The following ARHGAP21 variants were observed in gnomAD, a reference collection of about 807,000 sequenced individuals.
ARHGAP21 encodes the protein rho GTPase-activating protein 21.
In ARHGAP21, 38 loss-of-function variants were observed where a neutral mutation model predicts 164.6. The observed-to-expected ratio is 0.23, with a 90% CI of 0.18 to 0.30. The LOEUF is 0.30. Ranked by LOEUF, ARHGAP21 falls within the 10% of genes least tolerant of loss-of-function variation. The pLI is 1.00. For missense variants in ARHGAP21, 1,822 were observed against 2,370.7 expected (o/e 0.77, Z 4.81); for synonymous variants, 766 against 857.9 (o/e 0.89, Z 1.87).
intron 2 of ARHGAP21, among the ~76,000 whole-genome samples, chr10:24,716,279 G>A (rs1845364449): frequency 6.6e-6 from 1 of 152,230 alleles, no homozygotes; most frequent in African/African-American, 2.4e-5. Flanking sequence ...CTAAGTGATA[G>A]GGAGATAAAG....
In ARHGAP21 at chr10:24,585,139, C is replaced by T; in HGVS notation, c.5150G>A (p.Ser1717Asn). ...TTTCTCATTCTTGGCATCTCCTAGA[C>T]TTCCACTATCTGACTTGAATCTAGC... is the stretch of plus-strand genomic sequence containing the variant. ...KSARFKSDSG[S>N]LGDAKNEKEA... Residue 1717 changes from serine (S) to asparagine (N), a missense_variant, in exon 26 of 26, where the codon AGT becomes AAT. This residue lies in a region of ARHGAP21 where 117 missense variants were observed against 193.2 expected (regional missense o/e 0.61). Transcript: ENST00000396432. The T allele has an allele frequency of 6.2e-7, 1 of 1,612,720 alleles. No individual in the cohort carries two copies. The highest frequency in any genetic ancestry group is 8.5e-7 in the Non-Finnish European group (1 of 1,179,700).
intron 23 of ARHGAP21, 132 bp from the exon 24 acceptor site, chr10:24,591,462 TAATTAACTGCAA>T (rs1373658693): frequency 1.8e-6 from 2 of 1,095,104 alleles, no homozygotes; most frequent in Non-Finnish European, 2.7e-6. Context: ...TGTTTACGCA[TAATTAACTGCAA>T]AATAAGCACC....
At chr10:24,688,739 G>A (rs960224733) in intron 2 of ARHGAP21, among the ~76,000 whole-genome samples, 1 of 152,148 alleles carries the variant, frequency 6.6e-6, no homozygotes, top group East Asian at 1.9e-4. Flanking sequence ...ATTTCCAGGA[G>A]AGCAAGGGCA....
chr10:24,642,388 G>A (rs1206874312), intron 4 of ARHGAP21, among the ~76,000 whole-genome samples: 3 of 151,530 alleles, frequency 2.0e-5, no homozygotes, highest in South Asian at 2.1e-4. Flanking sequence ...GGTAGCGGGC[G>A]CCTGTAGTCC....
chr10:24,639,523 G>T (rs1836769655), intron 4 of ARHGAP21, among the ~76,000 whole-genome samples: 1 of 152,150 alleles, frequency 6.6e-6, no homozygotes, highest in African/African-American at 2.4e-5. Flanking sequence ...GATCAGAGAT[G>T]ATCTTGGGTA....
intron 21 of ARHGAP21, among the ~76,000 whole-genome samples, chr10:24,592,641 C>A (rs1352862051): frequency 6.6e-6 from 1 of 151,770 alleles, no homozygotes; most frequent in East Asian, 1.9e-4. Context: ...ATTAGTCAGG[C>A]ACGATGGTGT....
At chr10:24,628,968 A>T (rs1593088495) in intron 7 of ARHGAP21, 1 of 13,408 alleles carries the variant, frequency 7.5e-5, no homozygotes, top group African/African-American at 5.0e-4. Context: ...ATATATATAT[A>T]TATATATATA....
chr10:24,597,345 A>G (rs552650058), intron 16 of ARHGAP21, 102 bp downstream of exon 16: 4 of 1,424,798 alleles, frequency 2.8e-6, no homozygotes, highest in East Asian at 4.7e-5. Context: ...GCTAGTTGAC[A>G]TGGGGCCTGG....
intron 4 of ARHGAP21, among the ~76,000 whole-genome samples, chr10:24,651,191 T>A (rs60041138): frequency 0.035 from 5,298 of 152,220 alleles, 318 homozygotes; most frequent in African/African-American, 0.12. Flanking sequence ...TTTGGATCCA[T>A]CACCATGTTC....
Position 24,584,539 on chromosome 10 carries a change from G to A in ARHGAP21, c.5750C>T (p.Ser1917Leu). 1 of 1,613,958 alleles carries A rather than the reference G, an allele frequency of 6.2e-7. No homozygotes were observed. Among genetic ancestry groups the A allele is most frequent in the Non-Finnish European group, 8.5e-7 (1 of 1,179,872 alleles). The change falls in exon 26 of 26, where the codon TCA becomes TTA. Residue 1917 changes from serine to leucine, a missense_variant. This residue lies in a region of ARHGAP21 where 165 missense variants were observed against 176.6 expected (regional missense o/e 0.93). Transcript: ENST00000396432. ...GCTTTCTCCGTTTATTTGGTCAGGT[G>A]ACTGTGGTGGTATGGAAAGAAGGGG... Reference protein sequence around the residue: ...NRPLLSIPPQSPDQINGESFQ... With the variant: ...NRPLLSIPPQLPDQINGESFQ...
At chr10:24,607,192 C>T (rs923578283) in intron 11 of ARHGAP21, among the ~76,000 whole-genome samples, 1 of 152,032 alleles carries the variant, frequency 6.6e-6, no homozygotes, top group Non-Finnish European at 1.5e-5. Flanking sequence ...AGGTAGTGTA[C>T]ATATGATTTT....
chr10:24,604,761 C>T (rs555835866), intron 11 of ARHGAP21, among the ~76,000 whole-genome samples: 3 of 152,186 alleles, frequency 2.0e-5, no homozygotes, highest in Admixed American at 2.0e-4. Flanking sequence ...CTGTCATCTC[C>T]ACTCATCCTG....
intron 2 of ARHGAP21, among the ~76,000 whole-genome samples, chr10:24,677,484 C>T (rs1841368156): frequency 6.6e-6 from 1 of 152,142 alleles, no homozygotes; most frequent in Non-Finnish European, 1.5e-5. Context: ...CTATTCTTAG[C>T]TATTTGTGTG....
chr10:24,590,170 A>C, intron 24 of ARHGAP21: 1 of 1,403,290 alleles, frequency 7.1e-7, no homozygotes, highest in Non-Finnish European at 9.2e-7. Flanking sequence ...ACACATGGCT[A>C]AATGCTTTAT....
chr10:24,589,332 T>C, intron 24 of ARHGAP21, 30 bp from the exon 25 acceptor site: 1 of 1,591,312 alleles, frequency 6.3e-7, no homozygotes, highest in Non-Finnish European at 8.6e-7. Context: ...ACATGGTCAG[T>C]ATTAGCCAAT....
rs1292890650 is a variant in ARHGAP21 at position 24,591,310 on chromosome 10, G to A, written c.4065C>T (p.Ser1355=). 2 of 1,613,034 alleles carry A rather than the reference G, an allele frequency of 1.2e-6. No individual in the cohort carries two copies. The highest frequency in any genetic ancestry group is 2.7e-5 in the African/African-American group (2 of 74,910). ...EEPLTTVQEE[S]TVDSQPVPNI... ...TTGGCACTGGCTGGGAGTCTACTGT[G>A]CTTTCCTCCTGCACTGTTGTCTATG... Residue 1355 remains serine (S), a synonymous_variant, in exon 24 of 26, where the codon AGC becomes AGT. Coordinates refer to ENST00000396432, the MANE Select transcript of ARHGAP21 (RefSeq NM_020824.4).
intron 11 of ARHGAP21, among the ~76,000 whole-genome samples, chr10:24,606,585 CAATA>C (rs2130976298): frequency 6.6e-6 from 1 of 152,212 alleles, no homozygotes; most frequent in South Asian, 2.1e-4. Context: ...CAGCAATTAA[CAATA>C]GATATTAAAA....
chr10:24,630,020 T>C lies in ARHGAP21; in HGVS notation c.471A>G (p.Pro157=). 2 of 1,572,632 alleles carry C rather than the reference T, an allele frequency of 1.3e-6. No homozygotes were observed. Among genetic ancestry groups the C allele is most frequent in the Non-Finnish European group, 1.7e-6 (2 of 1,155,464 alleles). The change falls in exon 7 of 26, where the codon CCA becomes CCG. Residue 157 remains proline (P), a synonymous_variant. Coordinates refer to ENST00000396432, the MANE Select transcript of ARHGAP21 (RefSeq NM_020824.4). ...CCACTTGGAGAATGTCTTCATCTTT[T>C]GGCATAACACTAAGTTCCAATGTTG... is the stretch of plus-strand genomic sequence containing the variant. ...SDTTLELSVM[P]KDEDILQVLQ...
intron 19 of ARHGAP21, 100 bp downstream of exon 19, chr10:24,595,617 T>C: frequency 8.0e-7 from 1 of 1,247,846 alleles, no homozygotes; most frequent in Admixed American, 2.4e-5. Context: ...CCTGCTTCCT[T>C]TGACCAAGAC....
Sources: allele counts gnomAD v4.1 joint callset (sites outside exome capture counted in the v4.1 genomes callset), GRCh38; gene constraint gnomAD v4.1.1; regional missense constraint gnomAD v4.1.1; transcripts MANE v1.5; gene names NCBI Gene and HGNC (gene_info 2026-07-23, HGNC 2026-07-21).